MAST4: variants seen among roughly 807,000 people sequenced by gnomAD.
MAST4 encodes the protein microtubule associated serine/threonine kinase family member 4.
A neutral mutation model predicts 162.7 loss-of-function variants in MAST4; 89 were observed. That is an observed-to-expected ratio of 0.55 (90% CI 0.46 to 0.65). The LOEUF (loss-of-function observed/expected upper bound fraction) is 0.65. Ranked by LOEUF, MAST4 falls within the 30% of genes least tolerant of loss-of-function variation. The pLI is 0.00. For synonymous variants in MAST4, 1,479 were observed against 1,361.1 expected, an observed-to-expected ratio of 1.09 and a Z score of -1.91; for missense variants, 3,153 against 3,374.0, an observed-to-expected ratio of 0.93 and a Z score of 1.62.
At chr5:66,853,156 T>C (rs1007500) in intron 3 of MAST4, among the ~76,000 whole-genome samples, 16,752 of 152,288 alleles carry the variant, frequency 0.11, 1,151 homozygotes, top group Admixed American at 0.16. Context: ...GTTCAAGTCA[T>C]GTTAGTTAAA....
chr5:67,035,189 C>T (rs1561558087), intron 4 of MAST4, among the ~76,000 whole-genome samples: 1 of 152,118 alleles, frequency 6.6e-6, no homozygotes, highest in Admixed American at 6.6e-5. Flanking sequence ...TTAGAATGGG[C>T]CTGGCCTGGC....
At chr5:66,850,669 A>G (rs1561381294) in intron 3 of MAST4, among the ~76,000 whole-genome samples, 2 of 152,198 alleles carry the variant, frequency 1.3e-5, no homozygotes, top group Non-Finnish European at 2.9e-5. Flanking sequence ...GATGAATCTC[A>G]TGTTTAGACT....
At chr5:67,101,387 ACT>A (rs780497446) in intron 8 of MAST4, among the ~76,000 whole-genome samples, 1 of 152,090 alleles carries the variant, frequency 6.6e-6, no homozygotes, top group Non-Finnish European at 1.5e-5. Flanking sequence ...CCTGGGAAAG[ACT>A]CAGCCTCAGG....
At chr5:66,884,820 C>T (rs945998459) in intron 3 of MAST4, among the ~76,000 whole-genome samples, 3 of 152,170 alleles carry the variant, frequency 2.0e-5, no homozygotes, top group African/African-American at 4.8e-5. Context: ...GTTCCTTGGC[C>T]GCCGGCAGAG....
intron 1 of MAST4, among the ~76,000 whole-genome samples, chr5:66,704,226 G>C (rs1442946436): frequency 2.0e-5 from 3 of 152,130 alleles, no homozygotes; most frequent in South Asian, 4.1e-4. Context: ...TGACTCATTT[G>C]TTCATCAGAA....
chr5:66,789,621 G>A (rs1415319598), intron 3 of MAST4: 3 of 450,448 alleles, frequency 6.7e-6, no homozygotes, highest in Non-Finnish European at 1.3e-5. Flanking sequence ...CACTGGTGAT[G>A]TCAAGTCCTC....
chr5:67,134,516 C>A lies in MAST4; in HGVS notation c.2227-7C>A, dbSNP rs770090872. On this transcript the variant is annotated splice_region_variant and splice_polypyrimidine_tract_variant and intron_variant, in intron 17 of 28. Transcript: ENST00000403625. Reference sequence around the variant, plus strand: ...CCAATTATTCTAATATTGCAATTATCTTTTAGGTCTGTGGCACACCTGAAT... The same window carrying A: ...CCAATTATTCTAATATTGCAATTATATTTTAGGTCTGTGGCACACCTGAAT... 6.8e-6 allele frequency: 11 copies of A among 1,608,838 alleles called. No homozygotes were observed. Among genetic ancestry groups the A allele is most frequent in the African/African-American group, 1.3e-5 (1 of 74,674 alleles).
At chr5:67,113,975 G>C in intron 11 of MAST4, 112 bp from the exon 12 acceptor site, 2 of 1,190,572 alleles carry the variant, frequency 1.7e-6, no homozygotes, top group Non-Finnish European at 2.4e-6. Context: ...TTCTGCATAA[G>C]TAACTTACAG....
chr5:66,873,948 C>G (rs1330731617), intron 3 of MAST4, among the ~76,000 whole-genome samples: 2 of 151,908 alleles, frequency 1.3e-5, no homozygotes, highest in Non-Finnish European at 2.9e-5. Flanking sequence ...AAATATGGGC[C>G]AGAAATAAGG....
chr5:67,142,483 T>C lies in MAST4; in HGVS notation c.2680T>C (p.Phe894Leu). ...EEEDDTNDED[F>L]NVEIRQFSSC... ...AGAAGATGACACAAATGATGAAGAC[T>C]TTAATGTGGAAATAAGGCAGTTTTC... The change falls in exon 21 of 29, where the codon TTT becomes CTT. Residue 894 changes from phenylalanine (F) to leucine (L), a missense_variant. By Grantham distance (22) the Phe-to-Leu change is conservative. This residue lies in a region of MAST4 where 619 missense variants were observed against 744.2 expected (regional missense o/e 0.83). Coordinates refer to ENST00000403625, the MANE Select transcript of MAST4 (RefSeq NM_001164664.2). 1 of 1,599,006 alleles carries C rather than the reference T, an allele frequency of 6.3e-7. No individual in the cohort carries two copies. The highest frequency in any genetic ancestry group is 1.1e-5 in the South Asian group (1 of 87,926).
At chr5:66,783,344 C>T (rs964865842) in intron 2 of MAST4, 18 of 152,114 alleles carry the variant, frequency 1.2e-4, no homozygotes, top group Admixed American at 3.3e-4. Context: ...GATTTTACAA[C>T]AGCCCTACAA....
At chr5:67,141,661 C>G (rs959708481) in intron 19 of MAST4, among the ~76,000 whole-genome samples, 8 of 152,054 alleles carry the variant, frequency 5.3e-5, no homozygotes, top group Non-Finnish European at 1.2e-4. Context: ...GAATGGTAAC[C>G]CCTATAAATA....
At chr5:66,995,947 G>A (rs745587230) in intron 4 of MAST4, among the ~76,000 whole-genome samples, 4 of 151,332 alleles carry the variant, frequency 2.6e-5, no homozygotes, top group Non-Finnish European at 5.9e-5. Flanking sequence ...TATAAAAGAG[G>A]ATAAATCATA....
chr5:67,010,693 G>A (rs138174973), intron 4 of MAST4, among the ~76,000 whole-genome samples: 1 of 152,310 alleles, frequency 6.6e-6, no homozygotes, highest in East Asian at 1.9e-4. Context: ...CCCCTATAAA[G>A]GGAGGGGACC....
intron 4 of MAST4, among the ~76,000 whole-genome samples, chr5:66,951,612 G>A (rs1391901570): frequency 6.9e-6 from 1 of 145,574 alleles, no homozygotes; most frequent in Non-Finnish European, 1.5e-5. Context: ...GTGTGTGTGT[G>A]TGTGTGTGTG....
chr5:66,853,833 A>G (rs1423294271), intron 3 of MAST4, among the ~76,000 whole-genome samples: 1 of 152,232 alleles, frequency 6.6e-6, no homozygotes, highest in Non-Finnish European at 1.5e-5. Context: ...AAACAGATTG[A>G]ATAAACCTTT....
chr5:66,837,023 C>CGTGTGTGTGTGTGTGT (rs544483226), intron 3 of MAST4, among the ~76,000 whole-genome samples: 1,607 of 144,662 alleles, frequency 0.011, 45 homozygotes, highest in African/African-American at 0.024. Flanking sequence ...CATGCAGGAT[C>CGTGTGTGTGTGTGTGT]ATGTGTGTGT....
At chr5:67,010,453 G>C (rs917558441) in intron 4 of MAST4, among the ~76,000 whole-genome samples, 6 of 152,154 alleles carry the variant, frequency 3.9e-5, no homozygotes, top group Non-Finnish European at 7.4e-5. Flanking sequence ...AGGCATCTGG[G>C]AACATCGAAG....
intron 5 of MAST4, among the ~76,000 whole-genome samples, chr5:67,069,401 G>A (rs1460935811): frequency 6.6e-6 from 1 of 150,628 alleles, no homozygotes; most frequent in East Asian, 1.9e-4. Flanking sequence ...TGTGTTCTCA[G>A]GATTAATATA....
Sources: gnomAD v4.1 joint callset for allele counts (sites outside exome capture counted in the v4.1 genomes callset) on GRCh38, gnomAD v4.1.1 for gene constraint, gnomAD v4.1.1 regional missense constraint, MANE v1.5 for transcripts, NCBI Gene and HGNC (gene_info 2026-07-23, HGNC 2026-07-21) for gene names.